Variants in ZCWPW2 observed in about 807,000 individuals in gnomAD.
ZCWPW2 encodes zinc finger CW-type PWWP domain protein 2.
Under a neutral mutation model 46.6 loss-of-function variants are expected in ZCWPW2, and 45 were observed. The observed-to-expected ratio is 0.96, with a 90% confidence interval of 0.76 to 1.24. The LOEUF (loss-of-function observed/expected upper bound fraction) is 1.24, where lower values mean the gene tolerates loss of function less well. ZCWPW2 is among the 50% of genes most tolerant of loss of function. The pLI is 0.00. For missense variants in ZCWPW2, 429 were observed against 403.9 expected (o/e 1.06, Z -0.53); for synonymous variants, 152 against 137.1 (o/e 1.11, Z -0.76).
At chr3:28,378,991 A>G (rs1705586621) in intron 1 of ZCWPW2, among the ~76,000 whole-genome samples, 1 of 152,172 alleles carries the variant, frequency 6.6e-6, no homozygotes, top group South Asian at 2.1e-4. Context: ...CACTTCTCCC[A>G]GGTAGCTGGA....
At chr3:28,369,119 T>G (rs1302558668) in intron 1 of ZCWPW2, among the ~76,000 whole-genome samples, 1 of 152,176 alleles carries the variant, frequency 6.6e-6, no homozygotes, top group Non-Finnish European at 1.5e-5. Context: ...CTCCTTTAGC[T>G]CGGAGTAGTT....
At chr3:28,499,791 A>AT (rs1347263590) in intron 6 of ZCWPW2, among the ~76,000 whole-genome samples, 7 of 151,282 alleles carry the variant, frequency 4.6e-5, no homozygotes, top group Non-Finnish European at 1.5e-5. Context: ...ACCCTTACCC[A>AT]TTTTTTCTTA....
At chr3:28,387,051 A>G (rs1018992142) in intron 1 of ZCWPW2, among the ~76,000 whole-genome samples, 2 of 152,162 alleles carry the variant, frequency 1.3e-5, no homozygotes, top group African/African-American at 2.4e-5. Flanking sequence ...GCCCAGCATC[A>G]GCTCTCTCTG....
chr3:28,476,562 A>G (rs1006647374), intron 4 of ZCWPW2, among the ~76,000 whole-genome samples: 1 of 152,154 alleles, frequency 6.6e-6, no homozygotes, highest in Non-Finnish European at 1.5e-5. Context: ...GCAGTCTCCA[A>G]CCTTTTTGGT....
At chr3:28,380,596 C>G (rs979519906) in intron 1 of ZCWPW2, among the ~76,000 whole-genome samples, 1 of 152,110 alleles carries the variant, frequency 6.6e-6, no homozygotes, top group African/African-American at 2.4e-5. Flanking sequence ...ACTTCTCTGT[C>G]TTCATTCCTG....
rs147217334 is a variant in ZCWPW2, at chr3:28,363,516, C to G, written c.-134+14313C>G. Among the ~76,000 whole-genome samples, 245 of 152,192 alleles carry G rather than the reference C, an allele frequency of 1.6e-3. 3 individuals are homozygous for G. The highest frequency in any genetic ancestry group is 5.5e-3 in the African/African-American group (230 of 41,518). The stretch of plus-strand genomic sequence containing the variant: ...CTTTGACATTCTGGTGTTTTGCTGA[C>G]CCTAGAAGCACAGCCCCACTCAGTG... On this transcript the variant is annotated intron_variant, in intron 1 of 9. Transcript: ENST00000383768.
At chr3:28,414,631 C>T (rs1367918905) in intron 3 of ZCWPW2, among the ~76,000 whole-genome samples, 10 of 119,900 alleles carry the variant, frequency 8.3e-5, no homozygotes, top group Non-Finnish European at 1.7e-4. Context: ...CAACAGTCCC[C>T]GGTGTGTGAT....
intron 1 of ZCWPW2, among the ~76,000 whole-genome samples, chr3:28,379,061 A>G (rs1016342357): frequency 1.3e-5 from 2 of 152,176 alleles, no homozygotes; most frequent in Admixed American, 6.5e-5. Flanking sequence ...TATTTGGCCC[A>G]TAATAGTACT....
chr3:28,391,339 GTCCCCTC>G (rs1695479685), intron 2 of ZCWPW2, among the ~76,000 whole-genome samples: 1 of 143,750 alleles, frequency 7.0e-6, no homozygotes, highest in Non-Finnish European at 1.6e-5. Flanking sequence ...AGTTCCATCA[GTCCCCTC>G]TCCCTGCCAC....
rs114378515 is a variant in ZCWPW2 at position 28,471,417 on chromosome 3, G to A, written c.493-7397G>A. Among the ~76,000 whole-genome samples, 245 of 152,026 alleles carry A rather than the reference G, an allele frequency of 1.6e-3. 3 individuals carry two copies. Among genetic ancestry groups the A allele is most frequent in the African/African-American group, 5.5e-3 (230 of 41,458 alleles). On this transcript the variant is annotated intron_variant, in intron 4 of 9. Transcript: ENST00000383768. Reference sequence around the variant, plus strand: ...CACGATGATTCATTATGATCAAGTGGGTTTTATCCCAGGGATGCAGGATTG... The same window carrying A: ...CACGATGATTCATTATGATCAAGTGAGTTTTATCCCAGGGATGCAGGATTG...
intron 5 of ZCWPW2, among the ~76,000 whole-genome samples, chr3:28,489,379 A>G (rs1231327759): frequency 6.6e-6 from 1 of 152,090 alleles, no homozygotes; most frequent in African/African-American, 2.4e-5. Context: ...TGTAATTACC[A>G]TAAGGTTCTA....
At chr3:28,405,971 G>C (rs1696141980) in intron 2 of ZCWPW2, among the ~76,000 whole-genome samples, 1 of 152,166 alleles carries the variant, frequency 6.6e-6, no homozygotes, top group Admixed American at 6.5e-5. Flanking sequence ...TGGAGGAAAG[G>C]CCATCCTTGT....
intron 1 of ZCWPW2, among the ~76,000 whole-genome samples, chr3:28,354,292 A>G (rs1306705767): frequency 6.6e-6 from 1 of 151,024 alleles, no homozygotes; most frequent in Non-Finnish European, 1.5e-5. Context: ...ACACCCTCCC[A>G]AGACTAAACC....
At chr3:28,391,395 A>T (rs1695484617) in intron 2 of ZCWPW2, among the ~76,000 whole-genome samples, 1 of 146,034 alleles carries the variant, frequency 6.8e-6, no homozygotes, top group Non-Finnish European at 1.5e-5. Context: ...ACACACACAC[A>T]CACAAAGCCA....
intron 1 of ZCWPW2, among the ~76,000 whole-genome samples, chr3:28,360,399 T>G (rs1030806867): frequency 6.8e-5 from 10 of 146,062 alleles, no homozygotes; most frequent in Admixed American, 3.4e-4. Context: ...GGCGGGTGCC[T>G]GTAGTTCCAG....
chr3:28,496,566 C>T (rs1699996548), intron 6 of ZCWPW2, among the ~76,000 whole-genome samples: 1 of 151,894 alleles, frequency 6.6e-6, no homozygotes, highest in African/African-American at 2.4e-5. Flanking sequence ...AAGGTAGCCT[C>T]ATTAAGATTT....
At position 28,387,708 on chromosome 3, in the gene ZCWPW2, G is replaced by A. The variant is rs536046953; in HGVS notation, c.-133-2790G>A. On this transcript the variant is annotated intron_variant, in intron 1 of 9. Coordinates refer to ENST00000383768, the MANE Select transcript of ZCWPW2 (RefSeq NM_001040432.4). Reference sequence around the variant, plus strand: ...TGATATCATAAAAAATGGCAGAATAGGAAACTCAAAATAAAAGCTGTCTGC... The same window carrying A: ...TGATATCATAAAAAATGGCAGAATAAGAAACTCAAAATAAAAGCTGTCTGC... Among the ~76,000 whole-genome samples the A allele has an allele frequency of 1.4e-3, 216 of 152,134 alleles. 1 individual carries two copies. Among genetic ancestry groups the A allele is most frequent in the South Asian group, 3.3e-3 (16 of 4,826 alleles).
At chr3:28,478,383 T>C in intron 4 of ZCWPW2, 1 of 245,280 alleles carries the variant, frequency 4.1e-6, no homozygotes, top group Non-Finnish European at 8.6e-6. Flanking sequence ...AGCTGGGAAT[T>C]ACAGGTGTGA....
At chr3:28,465,006 T>A (rs1165926923) in intron 4 of ZCWPW2, among the ~76,000 whole-genome samples, 1 of 152,214 alleles carries the variant, frequency 6.6e-6, no homozygotes, top group Non-Finnish European at 1.5e-5. Context: ...TTGTTAAATA[T>A]GAACTTAATT....
Sources: gnomAD v4.1 joint callset for allele counts (sites outside exome capture counted in the v4.1 genomes callset) on GRCh38, gnomAD v4.1.1 for gene constraint, MANE v1.5 for transcripts, NCBI Gene and HGNC (gene_info 2026-07-23, HGNC 2026-07-21) for gene names.